SYT2: variants seen among roughly 807,000 people sequenced by gnomAD.
The protein encoded by SYT2 is synaptotagmin-2.
In SYT2, 15 loss-of-function variants were observed where a neutral mutation model predicts 39.9. The ratio of observed to expected loss-of-function variants is 0.38; its 90% confidence interval spans 0.25 to 0.58. SYT2 has a LOEUF of 0.58. SYT2 is among the 20% of genes least tolerant of loss of function. The probability of loss-of-function intolerance (pLI) is 0.70; values close to 1 mark genes in which losing one functional copy is unlikely to be tolerated. For missense variants in SYT2, 389 were observed against 530.3 expected (o/e 0.73, Z 2.62); for synonymous variants, 181 against 204.5 (o/e 0.89, Z 0.98).
chr1:202,650,648 G>A (rs182333725), intron 1 of SYT2, among the ~76,000 whole-genome samples: 2 of 152,268 alleles, frequency 1.3e-5, no homozygotes, highest in African/African-American at 4.8e-5. Flanking sequence ...CACTCTGCCT[G>A]GCCCTGGGAT....
At chr1:202,689,202 AAGG>A (rs2149116230) in intron 1 of SYT2, among the ~76,000 whole-genome samples, 1 of 152,270 alleles carries the variant, frequency 6.6e-6, no homozygotes, top group East Asian at 1.9e-4. Flanking sequence ...TAAGGAAGGG[AAGG>A]AGATTAGCAC....
Position 202,617,216 on chromosome 1 carries a change from T to C in SYT2, c.-17-11427A>G, listed in dbSNP as rs1437517867. ...CCCTTCAAGGAGCCAAAGCCTATGA[T>C]ACAGTTTGGATCTGTGTCCCTGCCC... is the stretch of plus-strand genomic sequence containing the variant. On this transcript the variant is annotated intron_variant, in intron 1 of 8. Transcript: ENST00000367268. Among the ~76,000 whole-genome samples the C allele has an allele frequency of 2.0e-5, 3 of 152,240 alleles. No homozygotes were observed. In the East Asian group the frequency reaches 5.8e-4, roughly 29 times the overall value.
At chr1:202,653,169 C>T (rs939042365) in intron 1 of SYT2, among the ~76,000 whole-genome samples, 3 of 152,130 alleles carry the variant, frequency 2.0e-5, no homozygotes, top group Non-Finnish European at 4.4e-5. Context: ...AGGCCCTTCT[C>T]CAAACGGCCC....
At chr1:202,670,959 T>C (rs1289772463) in intron 1 of SYT2, among the ~76,000 whole-genome samples, 1 of 152,248 alleles carries the variant, frequency 6.6e-6, no homozygotes, top group Non-Finnish European at 1.5e-5. Flanking sequence ...CCCAGTGATC[T>C]CTGCTGGGTC....
chr1:202,612,651 A>C (rs1690916880), intron 1 of SYT2, among the ~76,000 whole-genome samples: 1 of 152,168 alleles, frequency 6.6e-6, no homozygotes. Context: ...ACAGGCATGA[A>C]CCACTGCACC....
rs2149065830 is a variant in SYT2 at position 202,599,067 on chromosome 1, G to T, written c.1053+151C>A. On this transcript the variant is annotated intron_variant, in intron 8 of 8. Coordinates refer to ENST00000367268, the MANE Select transcript of SYT2 (RefSeq NM_177402.5). This position sits in a 1 kb window ranked among gnomAD's most constrained non-coding sequence, Gnocchi z 4.4. ...GGATCCCTGAAGCACTTGGGAAGGA[G>T]GCCCCACCCAGGCACCATTAGACCT... The T allele has an allele frequency of 2.9e-6, 3 of 1,017,558 alleles. No individual in the cohort carries two copies. The highest frequency in any genetic ancestry group is 2.9e-6 in the Non-Finnish European group (2 of 692,674). 63.0% of individuals were successfully genotyped at this position (1,017,558 alleles called of 1,614,324 possible).
chr1:202,676,571 G>C (rs1258961337), intron 1 of SYT2, among the ~76,000 whole-genome samples: 2 of 152,162 alleles, frequency 1.3e-5, no homozygotes, highest in Non-Finnish European at 2.9e-5. Flanking sequence ...AACCGGCTCA[G>C]CTTTTTGGAT....
intron 1 of SYT2, among the ~76,000 whole-genome samples, chr1:202,689,151 A>AG (rs1653755189): frequency 6.6e-6 from 1 of 152,194 alleles, no homozygotes; most frequent in African/African-American, 2.4e-5. Context: ...CAGGAAAGGC[A>AG]GGGGCTGGTG....
At position 202,601,696 on chromosome 1, in the gene SYT2, A is replaced by G. The variant is rs1690508736; in HGVS notation, c.801+194T>C. ...GTAATGAATCCTCATCTGTAAAAAA[A>G]GACTAAAGGAGGGAACCCGAGTCCA... is the stretch of plus-strand genomic sequence containing the variant. On this transcript the variant is annotated intron_variant, in intron 6 of 8. Coordinates refer to ENST00000367268, the MANE Select transcript of SYT2 (RefSeq NM_177402.5). The surrounding 1 kb of genome is among the most constrained non-coding windows in gnomAD (Gnocchi z 4.0). Among the ~76,000 whole-genome samples, 1 of 152,220 alleles carries G rather than the reference A, an allele frequency of 6.6e-6. No individual in the cohort carries two copies. The highest frequency in any genetic ancestry group is 2.4e-5 in the African/African-American group (1 of 41,466).
intron 1 of SYT2, among the ~76,000 whole-genome samples, chr1:202,677,661 T>C (rs1463733026): frequency 6.6e-6 from 1 of 152,224 alleles, no homozygotes; most frequent in Non-Finnish European, 1.5e-5. Context: ...GCTCAAACTG[T>C]AGATTTCTGA....
chr1:202,683,060 C>T (rs1653565827), intron 1 of SYT2, among the ~76,000 whole-genome samples: 1 of 152,064 alleles, frequency 6.6e-6, no homozygotes, highest in Admixed American at 6.6e-5. Context: ...CCATGTACGC[C>T]CACCAGAATG....
intron 1 of SYT2, among the ~76,000 whole-genome samples, chr1:202,618,090 C>A (rs56281571): frequency 6.6e-6 from 1 of 152,002 alleles, no homozygotes; most frequent in Non-Finnish European, 1.5e-5. Flanking sequence ...TTTGTAGAGA[C>A]GGGGTTTCAC....
chr1:202,634,084 A>T (rs556312468), intron 1 of SYT2, among the ~76,000 whole-genome samples: 43 of 152,364 alleles, frequency 2.8e-4, no homozygotes, highest in African/African-American at 1.0e-3. Context: ...GATGTCCCTC[A>T]AATGATGCCT....
intron 1 of SYT2, among the ~76,000 whole-genome samples, chr1:202,640,734 CAGAGAGAGAGAGAGAGAGAGAGAGAG>C (rs56979202): frequency 6.8e-4 from 62 of 90,744 alleles, no homozygotes; most frequent in South Asian, 1.8e-3. Flanking sequence ...TCCTAATGGT[CAGAGAGAGAGAGAGAGAGAGAGAGAG>C]AGAGAGAGAG....
chr1:202,664,096 T>C (rs566528033), intron 1 of SYT2, among the ~76,000 whole-genome samples: 2 of 152,272 alleles, frequency 1.3e-5, no homozygotes, highest in East Asian at 3.9e-4. Context: ...AAGGCAGTCT[T>C]ACCCACTGCC....
At chr1:202,629,453 G>T (rs1482763119) in intron 1 of SYT2, among the ~76,000 whole-genome samples, 1 of 152,138 alleles carries the variant, frequency 6.6e-6, no homozygotes, top group South Asian at 2.1e-4. Flanking sequence ...TCATTTGTGG[G>T]TATCAAGTTC....
intron 1 of SYT2, among the ~76,000 whole-genome samples, chr1:202,633,297 G>A (rs553199215): frequency 6.1e-4 from 93 of 152,270 alleles, no homozygotes; most frequent in Non-Finnish European, 1.1e-3. Flanking sequence ...CTCCAAAGAC[G>A]GCTGGGTAGT....
chr1:202,608,412 G>T (rs1690778195), intron 1 of SYT2, among the ~76,000 whole-genome samples: 2 of 151,944 alleles, frequency 1.3e-5, no homozygotes, highest in African/African-American at 4.8e-5. Flanking sequence ...GAGTAGCTGG[G>T]ATTACAGGTG....
chr1:202,691,995 T>C (rs1201525959), intron 1 of SYT2, among the ~76,000 whole-genome samples: 1 of 152,034 alleles, frequency 6.6e-6, no homozygotes, highest in Non-Finnish European at 1.5e-5. Context: ...CCAGCCCTCA[T>C]AGCTCTGGAG....
Sources: gnomAD v4.1 joint callset for allele counts (sites outside exome capture counted in the v4.1 genomes callset) on GRCh38, gnomAD v4.1.1 for gene constraint, Gnocchi (gnomAD v3.1) non-coding constraint, MANE v1.5 for transcripts, NCBI Gene and HGNC (gene_info 2026-07-23, HGNC 2026-07-21) for gene names.